The following TNIP3 variants were observed in gnomAD, a reference collection of about 807,000 sequenced individuals.
The protein encoded by TNIP3 is TNFAIP3-interacting protein 3.
Under a neutral mutation model 54.1 loss-of-function variants are expected in TNIP3, and 34 were observed. The observed-to-expected ratio is 0.63, with a 90% CI of 0.48 to 0.84. The LOEUF is 0.84. Among genes scored for constraint, TNIP3 ranks in the 40% least tolerant of loss-of-function variants. TNIP3 has a pLI of 0.00. For missense variants in TNIP3, 366 were observed against 387.6 expected, an observed-to-expected ratio of 0.94 and a Z score of 0.47; for synonymous variants, 134 against 136.8, an observed-to-expected ratio of 0.98 and a Z score of 0.14.
chr4:121,149,764 T>TCAAAAA (rs1176955189), intron 6 of TNIP3, among the ~76,000 whole-genome samples: 6 of 152,104 alleles, frequency 3.9e-5, no homozygotes, highest in African/African-American at 1.4e-4. Context: ...AGACTCTGTC[T>TCAAAAA]CAAAAACAAA....
At chr4:121,137,075 C>G (rs1419587197) in intron 10 of TNIP3, among the ~76,000 whole-genome samples, 1 of 152,082 alleles carries the variant, frequency 6.6e-6, no homozygotes, top group Non-Finnish European at 1.5e-5. Context: ...CAATTCATTT[C>G]TATTTTATGT....
chr4:121,176,511 CATTATGATGATGATGATGATG>C, intron 3 of TNIP3, among the ~76,000 whole-genome samples: 1 of 116,486 alleles, frequency 8.6e-6, no homozygotes, highest in Admixed American at 9.4e-5. Context: ...ATCCTACTAG[CATTATGATGATGATGATGATG>C]ATGATGATGA....
At chr4:121,159,076 C>T (rs1371508620) in intron 2 of TNIP3, among the ~76,000 whole-genome samples, 1 of 152,164 alleles carries the variant, frequency 6.6e-6, no homozygotes, top group East Asian at 1.9e-4. Context: ...CATCCCGTCT[C>T]TACTAAAAAT....
Position 121,194,560 on chromosome 4 carries a change from G to C in TNIP3, c.69-11764C>G, listed in dbSNP as rs190561914. ...TTTTGTTTTTCTAAAAGGATGTGGA[G>C]GAAGAGCATTTGTGTGCATCATATT... On this transcript the variant is annotated intron_variant, in intron 2 of 12. Transcript: ENST00000507879. 2.8e-4 allele frequency among the ~76,000 whole-genome samples: 43 copies of C among 152,228 alleles called. No individual in the cohort carries two copies. The Middle Eastern group carries it at 0.01, about 36-fold the overall frequency.
intron 1 of TNIP3, among the ~76,000 whole-genome samples, chr4:121,226,594 A>G (rs1174967090): frequency 6.6e-6 from 1 of 152,232 alleles, no homozygotes; most frequent in East Asian, 1.9e-4. Flanking sequence ...ATTTCACAGC[A>G]GGGAGTTTGC....
chr4:121,202,159 A>G (rs1230363951), intron 2 of TNIP3, among the ~76,000 whole-genome samples: 4 of 152,224 alleles, frequency 2.6e-5, no homozygotes, highest in African/African-American at 9.6e-5. Flanking sequence ...ATTTCAAACT[A>G]CACTATAAGG....
chr4:121,138,509 C>T (rs1579366425), intron 10 of TNIP3, 115 bp downstream of exon 10: 1 of 991,876 alleles, frequency 1.0e-6, no homozygotes, highest in African/African-American at 1.6e-5. Flanking sequence ...GTATGTAACA[C>T]AACTTTATAG....
chr4:121,198,644 A>T (rs1398615009), intron 2 of TNIP3, among the ~76,000 whole-genome samples: 2 of 152,248 alleles, frequency 1.3e-5, no homozygotes, highest in Admixed American at 6.5e-5. Flanking sequence ...ACAAACTTAT[A>T]GTGAATTTAC....
At chr4:121,176,450 G>A (rs913019692) in intron 3 of TNIP3, among the ~76,000 whole-genome samples, 1 of 151,974 alleles carries the variant, frequency 6.6e-6, no homozygotes, top group Non-Finnish European at 1.5e-5. Context: ...CAAAGAGGAA[G>A]TCAGTTATTG....
intron 10 of TNIP3, chr4:121,137,842 G>A: frequency 2.4e-6 from 1 of 421,012 alleles, no homozygotes; most frequent in Admixed American, 2.6e-5. Flanking sequence ...ACAAGTTAGA[G>A]TCCCAGGTGT....
At chr4:121,153,186 A>G (rs1729867097) in intron 5 of TNIP3, among the ~76,000 whole-genome samples, 2 of 152,146 alleles carry the variant, frequency 1.3e-5, no homozygotes, top group African/African-American at 2.4e-5. Flanking sequence ...TTCGTGTAGA[A>G]TTATTAAATT....
intron 7 of TNIP3, among the ~76,000 whole-genome samples, chr4:121,146,778 T>C (rs949497252): frequency 1.3e-5 from 2 of 152,100 alleles, no homozygotes; most frequent in Non-Finnish European, 2.9e-5. Context: ...CCAAGATAAA[T>C]ATTATGAGAA....
chr4:121,195,690 T>G (rs963104395), intron 2 of TNIP3, among the ~76,000 whole-genome samples: 3 of 152,260 alleles, frequency 2.0e-5, no homozygotes, highest in Non-Finnish European at 2.9e-5. Context: ...GCAAATCTAG[T>G]ATTTGTAGTA....
At chr4:121,165,123 G>A (rs1194870967), upstream of TNIP3, among the ~76,000 whole-genome samples, 1 of 151,484 alleles carries the variant, frequency 6.6e-6, no homozygotes, top group Non-Finnish European at 1.5e-5. Flanking sequence ...AAGAATTTAT[G>A]GTCAATCATT....
intron 3 of TNIP3, among the ~76,000 whole-genome samples, chr4:121,178,828 T>A (rs767952721): frequency 6.6e-6 from 1 of 152,182 alleles, no homozygotes; most frequent in Non-Finnish European, 1.5e-5. Flanking sequence ...ATGTTGTGAT[T>A]TTTATACCTT....
At chr4:121,160,002 T>C (rs1440416851) in intron 2 of TNIP3, among the ~76,000 whole-genome samples, 1 of 152,200 alleles carries the variant, frequency 6.6e-6, no homozygotes, top group Non-Finnish European at 1.5e-5. Context: ...AACTGTATAA[T>C]ATTATTATAT....
At chr4:121,164,447 A>C, upstream of TNIP3, 1 of 684,226 alleles carries the variant, frequency 1.5e-6, no homozygotes, top group South Asian at 5.2e-5. Flanking sequence ...TATAGTATGT[A>C]AATCGTCATT....
chr4:121,137,150 G>T (rs546752971), intron 10 of TNIP3, among the ~76,000 whole-genome samples: 6 of 152,106 alleles, frequency 3.9e-5, no homozygotes, highest in Admixed American at 6.5e-5. Context: ...TGACCTTATG[G>T]TATTACTAAA....
rs1579374192 is a variant in TNIP3, at chr4:121,141,907, C to A, written c.794G>T (p.Cys265Phe). 3 of 1,596,092 alleles carry A rather than the reference C, an allele frequency of 1.9e-6. No individual in the cohort carries two copies. The highest frequency in any genetic ancestry group is 4.6e-5 in the East Asian group (2 of 43,480). ...KLEKQLKQMY[C>F]PPCNCGLVFH... ...AACCAAGCCGCAGTTACAGGGTGGG[C>A]AATACATCTGAGGAGAACAAAACTG... The change falls in exon 9 of 11, where the codon TGC becomes TTC. Residue 265 changes from cysteine (C) to phenylalanine (F), a missense_variant. Transcript: ENST00000057513.
Sources: allele counts gnomAD v4.1 joint callset (sites outside exome capture counted in the v4.1 genomes callset), GRCh38; gene constraint gnomAD v4.1.1; transcripts MANE v1.5; gene names NCBI Gene and HGNC (gene_info 2026-07-23, HGNC 2026-07-21).